Variants in RERE observed in about 807,000 individuals in gnomAD.
The protein encoded by RERE is arginine-glutamic acid dipeptide repeats.
Under a neutral mutation model 146.1 loss-of-function variants are expected in RERE, and 40 were observed. The ratio of observed to expected loss-of-function variants is 0.27; its 90% CI spans 0.21 to 0.36. The LOEUF (loss-of-function observed/expected upper bound fraction) is 0.36. Among genes scored for constraint, RERE ranks in the 10% least tolerant of loss-of-function variants. The probability of loss-of-function intolerance (pLI) is 1.00; values close to 1 mark genes in which losing one functional copy is unlikely to be tolerated. For missense variants in RERE, 1,933 were observed against 2,138.7 expected (o/e 0.90, Z 1.90); for synonymous variants, 1,003 against 866.0 (o/e 1.16, Z -2.78).
chr1:8,500,181 G>A (rs1012443627), intron 8 of RERE, among the ~76,000 whole-genome samples: 2 of 152,096 alleles, frequency 1.3e-5, no homozygotes, highest in Non-Finnish European at 2.9e-5. Flanking sequence ...GGAGTCAAAA[G>A]GTCTTTGACA....
chr1:8,789,982 A>C (rs1161977613), intron 1 of RERE, among the ~76,000 whole-genome samples: 1 of 152,212 alleles, frequency 6.6e-6, no homozygotes, highest in Non-Finnish European at 1.5e-5. Context: ...AAATCTCTAA[A>C]TGTTGTATTC....
At position 8,412,542 on chromosome 1, in the gene RERE, C is replaced by T. The variant is rs888838562; in HGVS notation, c.1284+10185G>A. On this transcript the variant is annotated intron_variant, in intron 12 of 22. Coordinates refer to ENST00000400908, the MANE Select transcript of RERE (RefSeq NM_001042681.2). ...AAGTGTGTGTGTTCATGTGCACACC[C>T]TTTAGGGATTAATTTGAAGCCAAGT... is the stretch of plus-strand genomic sequence containing the variant. Among the ~76,000 whole-genome samples the T allele has an allele frequency of 6.6e-5, 10 of 152,308 alleles. No individual in the cohort carries two copies. The East Asian group carries it at 1.9e-3, about 29-fold the overall frequency.
chr1:8,633,432 C>T (rs1421453810), intron 2 of RERE, among the ~76,000 whole-genome samples: 1 of 151,836 alleles, frequency 6.6e-6, no homozygotes, highest in Non-Finnish European at 1.5e-5. Context: ...CTTAAACACG[C>T]ACGTGCGCAC....
rs1364582601 is a variant in RERE, at chr1:8,354,036, T to C, written c.*1051A>G. 40 of 152,604 alleles carry C rather than the reference T, an allele frequency of 2.6e-4. No homozygotes were observed. The highest frequency in any genetic ancestry group is 5.9e-5 in the Non-Finnish European group (4 of 68,046). The allele number at this position is 152,604 out of a possible 1,614,324, so 9.5% of individuals were successfully genotyped here. ...GGAATCATTTTCTTAGATGATGAAA[T>C]TTTCGGAGTATTAAAAAAGACATTC... On this transcript the variant is annotated 3_prime_UTR_variant, in exon 23 of 23. Transcript: ENST00000400908.
At chr1:8,805,602 T>C (rs1176006097) in intron 1 of RERE, among the ~76,000 whole-genome samples, 8 of 150,746 alleles carry the variant, frequency 5.3e-5, no homozygotes, top group East Asian at 2.0e-4. Context: ...TGAGCAGAGA[T>C]TGCACCACTG....
At chr1:8,615,047 T>C (rs1160209832) in intron 3 of RERE, among the ~76,000 whole-genome samples, 1 of 152,208 alleles carries the variant, frequency 6.6e-6, no homozygotes, top group Non-Finnish European at 1.5e-5. Context: ...TGGTGTCAGA[T>C]ACAACCGTAA....
chr1:8,573,788 G>C (rs1463021439), intron 4 of RERE, among the ~76,000 whole-genome samples: 2 of 152,108 alleles, frequency 1.3e-5, no homozygotes, highest in Non-Finnish European at 2.9e-5. Context: ...CATGGTTTTA[G>C]ATAAAGCCAT....
At chr1:8,504,578 G>A (rs1645225196) in intron 8 of RERE, among the ~76,000 whole-genome samples, 1 of 152,214 alleles carries the variant, frequency 6.6e-6, no homozygotes, top group South Asian at 2.1e-4. Flanking sequence ...TGGTGGCCAG[G>A]CGCGGTGGCT....
chr1:8,377,940 T>C (rs546478257), intron 12 of RERE, among the ~76,000 whole-genome samples: 2 of 152,312 alleles, frequency 1.3e-5, no homozygotes, highest in East Asian at 3.9e-4. Context: ...TGTTTTTGTA[T>C]TGGAAGCATG....
intron 2 of RERE, among the ~76,000 whole-genome samples, chr1:8,634,875 ACAGGTGCC>A (rs1470704755): frequency 1.3e-5 from 2 of 152,234 alleles, no homozygotes; most frequent in Admixed American, 6.5e-5. Context: ...AGCTGGGACT[ACAGGTGCC>A]CACCACCACG....
At position 8,656,097 on chromosome 1, in the gene RERE, G is replaced by T. The variant is rs568669921; in HGVS notation, c.201C>A (p.Thr67=). ...EDEDNDNNSA[T]AEESTKKNKK... ...TATTCTTCTTCGTGGACTCCTCTGC[G>T]GTGGCACTATTGTTGTCATTGTCCT... The change falls in exon 2 of 23, where the codon ACC becomes ACA. Residue 67 remains threonine, a synonymous_variant. Transcript: ENST00000400908. The T allele has an allele frequency of 6.2e-7, 1 of 1,613,902 alleles. No individual in the cohort carries two copies. The highest frequency in any genetic ancestry group is 8.5e-7 in the Non-Finnish European group (1 of 1,179,958).
At chr1:8,752,668 T>C (rs1253288353) in intron 1 of RERE, among the ~76,000 whole-genome samples, 1 of 152,162 alleles carries the variant, frequency 6.6e-6, no homozygotes, top group Non-Finnish European at 1.5e-5. Flanking sequence ...TCTTTTCCTA[T>C]GCTACAGCAG....
chr1:8,678,024 C>G (rs1638880884), intron 1 of RERE, among the ~76,000 whole-genome samples: 1 of 152,180 alleles, frequency 6.6e-6, no homozygotes, highest in African/African-American at 2.4e-5. Flanking sequence ...CCTGCCTTGA[C>G]TCCTCATATC....
intron 1 of RERE, among the ~76,000 whole-genome samples, chr1:8,746,585 T>G (rs962275777): frequency 3.9e-5 from 6 of 152,118 alleles, no homozygotes; most frequent in African/African-American, 7.2e-5. Flanking sequence ...TTCTATTGAC[T>G]GTGTATCATT....
At chr1:8,804,603 G>C (rs557513645) in intron 1 of RERE, among the ~76,000 whole-genome samples, 1 of 152,104 alleles carries the variant, frequency 6.6e-6, no homozygotes, top group South Asian at 2.1e-4. Context: ...TTGTGATTCC[G>C]TTATAATCGA....
At chr1:8,648,646 T>C (rs1317374738) in intron 2 of RERE, among the ~76,000 whole-genome samples, 1 of 152,208 alleles carries the variant, frequency 6.6e-6, no homozygotes, top group Non-Finnish European at 1.5e-5. Context: ...TAAATTCCAT[T>C]TGCATCAAAA....
chr1:8,644,414 G>A (rs1467983738), intron 2 of RERE, among the ~76,000 whole-genome samples: 1 of 152,004 alleles, frequency 6.6e-6, no homozygotes, highest in African/African-American at 2.4e-5. Flanking sequence ...GGTTTTGGAG[G>A]CTTTTTTCCA....
At chr1:8,498,281 C>G (rs902825417) in intron 8 of RERE, among the ~76,000 whole-genome samples, 6 of 152,262 alleles carry the variant, frequency 3.9e-5, no homozygotes, top group Admixed American at 1.3e-4. Flanking sequence ...CTGCTTAAAC[C>G]CGGGAGGCAG....
intron 2 of RERE, among the ~76,000 whole-genome samples, chr1:8,638,783 A>ATTTTTTTTTTTTTTTTTTTTT (rs34276909): frequency 1.0e-5 from 1 of 100,348 alleles, no homozygotes; most frequent in Non-Finnish European, 1.9e-5. Flanking sequence ...ACGAAAAAAA[A>ATTTTTTTTTTTTTTTTTTTTT]TTTTTTTTTT....
Sources: gnomAD v4.1 joint callset for allele counts (sites outside exome capture counted in the v4.1 genomes callset) on GRCh38, gnomAD v4.1.1 for gene constraint, MANE v1.5 for transcripts, NCBI Gene and HGNC (gene_info 2026-07-23, HGNC 2026-07-21) for gene names.